The following MUC4 variants were observed in gnomAD, a reference collection of about 807,000 sequenced individuals.
The protein encoded by MUC4 is mucin 4, cell surface associated.
MUC4 carries 202 observed loss-of-function variants against 257.9 expected under a neutral mutation model. The observed-to-expected ratio is 0.78, with a 90% CI of 0.70 to 0.88. MUC4 has a LOEUF of 0.88. Ranked by LOEUF, MUC4 falls within the 40% of genes least tolerant of loss-of-function variation. The probability of loss-of-function intolerance (pLI) is 0.00; values close to 1 mark genes in which losing one functional copy is unlikely to be tolerated. For missense variants in MUC4, 5,976 were observed against 6,513.7 expected, an observed-to-expected ratio of 0.92 and a Z score of 2.84; for synonymous variants, 2,351 against 2,757.1, an observed-to-expected ratio of 0.85 and a Z score of 4.62.
intron 18 of MUC4, 145 bp from the exon 19 acceptor site, chr3:195,754,517 G>T: frequency 8.8e-7 from 1 of 1,135,216 alleles, no homozygotes; most frequent in Non-Finnish European, 1.2e-6. Flanking sequence ...GCACCTTCTT[G>T]ACCAGGCCGT....
At chr3:195,774,405 G>T in intron 3 of MUC4, 100 bp from the exon 4 acceptor site, 1 of 1,383,642 alleles carries the variant, frequency 7.2e-7, no homozygotes, top group Non-Finnish European at 9.5e-7. Context: ...GCCCACACCT[G>T]TCCTGTGTTC....
chr3:195,763,446 A>G lies in MUC4; in HGVS notation c.14240T>C (p.Leu4747Pro), dbSNP rs1203621784. The G allele has an allele frequency of 3.5e-6, 5 of 1,421,948 alleles. No individual in the cohort carries two copies. The highest frequency in any genetic ancestry group is 4.6e-6 in the Non-Finnish European group (5 of 1,082,998). The allele number at this position is 1,421,948 out of a possible 1,614,324, so 88.1% of individuals were successfully genotyped here. A position where few individuals can be genotyped will look rare whatever the true frequency, so the allele number is the denominator to read the frequency against. The part of the protein sequence containing the change: ...AFAAQYRSSS[L>P]GPVTVQWLLE... ...CCCCTCACTCACCGTGACGGGGCCC[A>G]GGCTGCTGGAGCGGTACTGAGCCGC... Residue 4747 changes from leucine to proline, a missense_variant, in exon 12 of 25, where the codon CTG (leucine) becomes CCG (proline). Around this residue, in one of 44 missense-constraint regions of MUC4, gnomAD observed 996 missense variants for 1,137.3 expected, o/e 0.88. Transcript: ENST00000463781.
intron 20 of MUC4, among the ~76,000 whole-genome samples, 192 bp downstream of exon 20, chr3:195,752,859 G>A (rs569961005): frequency 8.5e-5 from 13 of 152,336 alleles, no homozygotes; most frequent in Middle Eastern, 3.4e-3. Flanking sequence ...ACACAGGCCC[G>A]TGGTCCTTGC....
At chr3:195,778,152 C>G (rs1725419956) in intron 3 of MUC4, 151 bp downstream of exon 3, 2 of 1,063,406 alleles carry the variant, frequency 1.9e-6, no homozygotes, top group Non-Finnish European at 2.6e-6. Context: ...ATGCACAAAG[C>G]CAGCCCTCAG....
chr3:195,804,781 C>A (rs570353451), intron 1 of MUC4, among the ~76,000 whole-genome samples: 1 of 152,388 alleles, frequency 6.6e-6, no homozygotes, highest in South Asian at 2.1e-4. Context: ...GCTGGCCCCA[C>A]CGCCTTTGGC....
At position 195,769,093 on chromosome 3, in the gene MUC4, G is replaced by A. The variant is rs267599750; in HGVS notation, c.13458C>T (p.Leu4486=). 1 of 1,614,152 alleles carries A rather than the reference G, an allele frequency of 6.2e-7. No homozygotes were observed. Among genetic ancestry groups the A allele is most frequent in the South Asian group, 1.1e-5 (1 of 91,062 alleles). Residue 4486 remains leucine, a synonymous_variant, in exon 7 of 25, where the codon CTC becomes CTT. Coordinates refer to ENST00000463781, the MANE Select transcript of MUC4 (RefSeq NM_018406.7). ...CCCACTGCATCCCACCGCTCTGGTA[G>A]AGAAACAGGGCATAGGACCTGCTCC... is the stretch of plus-strand genomic sequence containing the variant. ...TDGSRSYALF[L]YQSGGMQWDV... is the part of the protein sequence containing the mutation.
intron 13 of MUC4, 59 bp from the exon 14 acceptor site, chr3:195,762,313 C>G: frequency 6.7e-7 from 1 of 1,499,498 alleles, no homozygotes; most frequent in Non-Finnish European, 8.9e-7. Context: ...CCGCACCAAA[C>G]CCGCGCCCTG....
chr3:195,786,833 T>A lies in MUC4; in HGVS notation c.4747A>T (p.Thr1583Ser). 2 of 1,525,206 alleles carry A rather than the reference T, an allele frequency of 1.3e-6. No individual in the cohort carries two copies. The highest frequency in any genetic ancestry group is 1.8e-6 in the Non-Finnish European group (2 of 1,132,714). 94.5% of individuals were successfully genotyped at this position (1,525,206 alleles called of 1,614,324 possible). The change falls in exon 2 of 25, where the codon ACC becomes TCC. Residue 1583 changes from threonine (T) to serine (S), a missense_variant. Physicochemically the swap from Thr to Ser is moderately conservative, Grantham distance 58. This residue lies in a region of MUC4 where 63 missense variants were observed against 68.8 expected (regional missense o/e 0.92). Coordinates refer to ENST00000463781, the MANE Select transcript of MUC4 (RefSeq NM_018406.7). ...GAAGTGTCGGTGACAGGAAGAGGGG[T>A]GGTGTGACCTGTAGATGCTGAGGAA... ...SPSSASTGHT[T>S]PLPVTDTSSA...
Position 195,746,917 on chromosome 3 carries a change from T to C in MUC4, c.*259A>G. The C allele has an allele frequency of 3.4e-6, 2 of 588,416 alleles. No individual in the cohort carries two copies. The highest frequency in any genetic ancestry group is 6.0e-6 in the Non-Finnish European group (2 of 332,756). The allele number at this position is 588,416 out of a possible 1,614,324, so 36.4% of individuals were successfully genotyped here. ...GTGTGTGTGTGTGTGCACGCGCGCG[T>C]GCACAGGCTAGTGTCCTTCTGTGGG... On this transcript the variant is annotated 3_prime_UTR_variant, in exon 25 of 25. Transcript: ENST00000463781.
intron 1 of MUC4, 96 bp downstream of exon 1, chr3:195,811,640 C>T: frequency 9.4e-7 from 1 of 1,067,124 alleles, no homozygotes; most frequent in Non-Finnish European, 1.4e-6. Context: ...TTCTCTCTCT[C>T]TCTCTCTCTG....
At position 195,786,292 on chromosome 3, in the gene MUC4, A is replaced by T; in HGVS notation, c.5288T>A (p.Val1763Asp). The T allele has an allele frequency of 6.6e-7, 1 of 1,519,982 alleles. No homozygotes were observed. Among genetic ancestry groups the T allele is most frequent in the Admixed American group, 2.0e-5 (1 of 49,056 alleles). 94.2% of individuals were successfully genotyped at this position (1,519,982 alleles called of 1,614,324 possible). Reference sequence around the variant, plus strand: ...TGTGGATACTGAGGAAGTGTCGGTGACAGGAAGAGGGGTGGCCTGACCTGT... The same window carrying T: ...TGTGGATACTGAGGAAGTGTCGGTGTCAGGAAGAGGGGTGGCCTGACCTGT... Reference protein sequence around the residue: ...ASTGQATPLPVTDTSSVSTAH... With the variant: ...ASTGQATPLPDTDTSSVSTAH... Residue 1763 changes from valine (V) to aspartate (D), a missense_variant, in exon 2 of 25, where the codon GTC becomes GAC. By Grantham distance (152) the Val-to-Asp change is radical. Around this residue, in one of 44 missense-constraint regions of MUC4, gnomAD observed 138 missense variants for 107.8 expected, o/e 1.28. Transcript: ENST00000463781.
chr3:195,794,401 A>G (rs1260962358), intron 1 of MUC4, among the ~76,000 whole-genome samples: 1 of 151,928 alleles, frequency 6.6e-6, no homozygotes, highest in African/African-American at 2.4e-5. Context: ...GAAGAAAGAG[A>G]GAGAGAGAGA....
Position 195,789,114 on chromosome 3 carries a change from G to A in MUC4, c.2466C>T (p.Ser822=). 2 of 1,613,618 alleles carry A rather than the reference G, an allele frequency of 1.2e-6. No homozygotes were observed. Among genetic ancestry groups the A allele is most frequent in the Non-Finnish European group, 1.7e-6 (2 of 1,179,752 alleles). ...AAAACCTTGTCGTCTCTCCTGAGGT[G>A]GATATTCCTTCGCTTCCTGAAGGTG... ...GTTPSGSEGI[S]TSGETTRFSS... Residue 822 remains serine (S), a synonymous_variant, in exon 2 of 25, where the codon TCC becomes TCT. Coordinates refer to ENST00000463781, the MANE Select transcript of MUC4 (RefSeq NM_018406.7).
intron 19 of MUC4, chr3:195,753,523 C>A: frequency 2.0e-6 from 1 of 492,478 alleles, no homozygotes. Context: ...AGCTGGCTTT[C>A]CTCACGCCCT....
chr3:195,749,426 C>G (rs1352669536), intron 23 of MUC4, among the ~76,000 whole-genome samples: 2 of 152,156 alleles, frequency 1.3e-5, no homozygotes, highest in Non-Finnish European at 2.9e-5. Context: ...AACTGAAACT[C>G]TGCTAGTGAC....
At chr3:195,752,475 C>G in intron 20 of MUC4, 29 bp from the exon 21 acceptor site, 1 of 1,596,278 alleles carries the variant, frequency 6.3e-7, no homozygotes, top group Non-Finnish European at 8.6e-7. Context: ...AATGTATCAT[C>G]ACCCCACGGT....
At position 195,748,959 on chromosome 3, in the gene MUC4, C is replaced by T. The variant is rs772351851; in HGVS notation, c.15977G>A (p.Arg5326Lys). 1.1e-5 allele frequency: 17 copies of T among 1,607,704 alleles called. No individual in the cohort carries two copies. In the Admixed American group the frequency reaches 2.5e-4, roughly 24 times the overall value. ...SGFTCVSPCS[R>K]GYCDHGGQCQ... ...CTGGCCTCCATGGTCACAGTAGCCC[C>T]TACTGCACGGGGACACGCAGGTGAA... Residue 5326 changes from arginine to lysine, a missense_variant, in exon 24 of 25, where the codon AGG (arginine) becomes AAG (lysine). Coordinates refer to ENST00000463781, the MANE Select transcript of MUC4 (RefSeq NM_018406.7).
intron 2 of MUC4, 85 bp from the exon 3 acceptor site, chr3:195,778,540 G>C (rs1205962686): frequency 4.5e-6 from 7 of 1,554,550 alleles, no homozygotes; most frequent in Non-Finnish European, 6.1e-6. Flanking sequence ...TCAGGAGCTG[G>C]AAGAGGGAGC....
chr3:195,762,548 G>A (rs866403106), intron 13 of MUC4, among the ~76,000 whole-genome samples: 1,585 of 146,884 alleles, frequency 0.011, 7 homozygotes, highest in African/African-American at 0.04. Context: ...GCACCGCAAC[G>A]CACCCGGCCC....
Sources: gnomAD v4.1 joint callset for allele counts (sites outside exome capture counted in the v4.1 genomes callset) on GRCh38, gnomAD v4.1.1 for gene constraint, gnomAD v4.1.1 regional missense constraint, MANE v1.5 for transcripts, NCBI Gene and HGNC (gene_info 2026-07-23, HGNC 2026-07-21) for gene names.